Variants in CABIN1 observed in about 807,000 individuals in gnomAD.
The protein encoded by CABIN1 is calcineurin-binding protein cabin-1.
A neutral mutation model predicts 227.7 loss-of-function variants in CABIN1; 133 were observed. That is an observed-to-expected ratio of 0.58 (90% CI 0.51 to 0.67). The LOEUF is 0.67. Ranked by LOEUF, CABIN1 falls within the 30% of genes least tolerant of loss-of-function variation. CABIN1 has a pLI of 0.00. For missense variants in CABIN1, 2,408 were observed against 2,852.5 expected, an observed-to-expected ratio of 0.84 and a Z score of 3.55; for synonymous variants, 1,086 against 1,155.1, an observed-to-expected ratio of 0.94 and a Z score of 1.21.
Position 24,071,140 on chromosome 22 carries a change from G to A in CABIN1, c.2475+98G>A. On this transcript the variant is annotated intron_variant, in intron 17 of 36. Transcript: ENST00000263119. ...GTTCATAGCTTTCATTGCTAATTAG[G>A]CACCCAAAGGGGACATGATGGCTTC... is the stretch of plus-strand genomic sequence containing the variant. 2.6e-6 allele frequency: 4 copies of A among 1,518,238 alleles called. No individual in the cohort carries two copies. In the South Asian group the frequency reaches 4.6e-5, roughly 17 times the overall value. 94.0% of individuals were successfully genotyped at this position (1,518,238 alleles called of 1,614,324 possible). A position where few individuals can be genotyped will look rare whatever the true frequency, so the allele number is the denominator to read the frequency against.
intron 26 of CABIN1, among the ~76,000 whole-genome samples, chr22:24,106,442 C>T (rs1464196223): frequency 6.6e-6 from 1 of 152,242 alleles, no homozygotes; most frequent in Non-Finnish European, 1.5e-5. Flanking sequence ...CTGGGTTACA[C>T]ACCACAGTCC....
chr22:24,087,368 ATC>A, intron 22 of CABIN1, 82 bp from the exon 23 acceptor site: 1 of 1,570,988 alleles, frequency 6.4e-7, no homozygotes, highest in South Asian at 1.1e-5. Context: ...CATGGGGTCC[ATC>A]TGCCTGTCCA....
intron 19 of CABIN1, among the ~76,000 whole-genome samples, chr22:24,079,451 A>G (rs910854879): frequency 5.3e-5 from 8 of 152,152 alleles, no homozygotes; most frequent in Non-Finnish European, 1.2e-4. Flanking sequence ...GAGTGTGTAC[A>G]TTGTTAACTT....
chr22:24,091,923 G>A, intron 24 of CABIN1, 80 bp downstream of exon 24: 1 of 1,566,668 alleles, frequency 6.4e-7, no homozygotes, highest in South Asian at 1.2e-5. Context: ...TGTGGCTCAA[G>A]GTTCCAGTGA....
intron 31 of CABIN1, 145 bp downstream of exon 31, chr22:24,165,771 G>A (rs1315898135): frequency 1.2e-5 from 8 of 692,218 alleles, no homozygotes; most frequent in South Asian, 6.4e-5. Context: ...CACCCATCCT[G>A]TCTTCCTAGG....
At chr22:24,149,301 C>G (rs1472463627) in intron 29 of CABIN1, among the ~76,000 whole-genome samples, 1 of 152,026 alleles carries the variant, frequency 6.6e-6, no homozygotes, top group African/African-American at 2.4e-5. Context: ...GTTTCTTTAT[C>G]TGCAAAGTGG....
chr22:24,119,368 A>G lies in CABIN1; in HGVS notation c.4302A>G (p.Gly1434=), dbSNP rs761885533. Residue 1434 remains glycine (G), a splice_region_variant and synonymous_variant, in exon 28 of 37, where the codon GGA becomes GGG. Transcript: ENST00000263119. The part of the protein sequence containing the change: ...KDLQGATEER[G]KNEESLESTE... ...TCTTTCCCTTCTTCTCAACTGTAGG[A>G]AAAAACGAGGAGTCATTGGAGAGTA... 2.5e-6 allele frequency: 4 copies of G among 1,612,060 alleles called. No individual in the cohort carries two copies. The highest frequency in any genetic ancestry group is 4.5e-5 in the East Asian group (2 of 44,898).
intron 15 of CABIN1, among the ~76,000 whole-genome samples, chr22:24,065,754 C>T (rs926457343): frequency 3.3e-5 from 5 of 152,392 alleles, no homozygotes; most frequent in African/African-American, 1.2e-4. Context: ...GCAATCCCGG[C>T]ACCTCGGGAG....
chr22:24,082,208 G>C (rs967585332), intron 19 of CABIN1, among the ~76,000 whole-genome samples: 3 of 150,156 alleles, frequency 2.0e-5, no homozygotes, highest in African/African-American at 7.4e-5. Context: ...TCCTGCCTTA[G>C]CCTCCCACGT....
At chr22:24,103,568 T>C (rs1358492206) in intron 26 of CABIN1, among the ~76,000 whole-genome samples, 1 of 152,006 alleles carries the variant, frequency 6.6e-6, no homozygotes, top group Non-Finnish European at 1.5e-5. Context: ...GGGAGGTCAG[T>C]TTCTGGTTGG....
chr22:24,140,939 G>A (rs2044716996), intron 29 of CABIN1, among the ~76,000 whole-genome samples: 1 of 152,192 alleles, frequency 6.6e-6, no homozygotes, highest in Admixed American at 6.5e-5. Flanking sequence ...TTGGGCACAG[G>A]CAGGCACAGC....
chr22:24,070,765 C>T (rs773600163), intron 16 of CABIN1, 35 bp from the exon 17 acceptor site: 1 of 1,613,904 alleles, frequency 6.2e-7, no homozygotes, highest in Non-Finnish European at 8.5e-7. Context: ...GTGCTGAGCT[C>T]ACCGTGCACT....
chr22:24,107,644 G>A (rs548027560), intron 26 of CABIN1, among the ~76,000 whole-genome samples: 1 of 152,196 alleles, frequency 6.6e-6, no homozygotes, highest in Non-Finnish European at 1.5e-5. Flanking sequence ...GATGGATCCT[G>A]GTTCCTTCAC....
intron 26 of CABIN1, among the ~76,000 whole-genome samples, chr22:24,105,739 G>A (rs529122908): frequency 6.6e-6 from 1 of 152,174 alleles, no homozygotes; most frequent in Non-Finnish European, 1.5e-5. Flanking sequence ...CTCAGAACCA[G>A]GGGGCCCAGA....
At chr22:24,094,027 G>A (rs2041723265) in intron 24 of CABIN1, among the ~76,000 whole-genome samples, 1 of 152,228 alleles carries the variant, frequency 6.6e-6, no homozygotes, top group African/African-American at 2.4e-5. Context: ...GTCCTTCCCT[G>A]TCATAGTGCT....
intron 29 of CABIN1, among the ~76,000 whole-genome samples, chr22:24,158,841 C>T (rs1440702551): frequency 1.3e-5 from 2 of 152,196 alleles, no homozygotes; most frequent in African/African-American, 4.8e-5. Flanking sequence ...ATAAACTCTC[C>T]AATGCCTACT....
intron 25 of CABIN1, 37 bp downstream of exon 25, chr22:24,096,119 C>T (rs1218827154): frequency 1.2e-6 from 2 of 1,611,664 alleles, no homozygotes; most frequent in Admixed American, 1.7e-5. Context: ...TAGCAGCTTA[C>T]CCCATCTGCA....
intron 19 of CABIN1, among the ~76,000 whole-genome samples, chr22:24,082,705 C>T (rs984638863): frequency 6.6e-6 from 1 of 152,204 alleles, no homozygotes; most frequent in African/African-American, 2.4e-5. Flanking sequence ...TTGTTCACAT[C>T]CTCTCTGATC....
intron 28 of CABIN1, among the ~76,000 whole-genome samples, chr22:24,133,219 G>T (rs1181574800): frequency 6.6e-6 from 1 of 152,200 alleles, no homozygotes; most frequent in East Asian, 1.9e-4. Context: ...ACAGCATCCC[G>T]GTGGGGGCAG....
Sources: allele counts gnomAD v4.1 joint callset (sites outside exome capture counted in the v4.1 genomes callset), GRCh38; gene constraint gnomAD v4.1.1; transcripts MANE v1.5; gene names NCBI Gene and HGNC (gene_info 2026-07-23, HGNC 2026-07-21).